Variants in ASPH observed in about 807,000 individuals in gnomAD.
The protein encoded by ASPH is aspartyl/asparaginyl beta-hydroxylase.
Under a neutral mutation model 118.4 loss-of-function variants are expected in ASPH, and 100 were observed. The ratio of observed to expected loss-of-function variants is 0.84; its 90% CI spans 0.72 to 1.00. The LOEUF (loss-of-function observed/expected upper bound fraction) is 1.00. ASPH is among the 50% of genes least tolerant of loss of function. The pLI is 0.00. For missense variants in ASPH, 920 were observed against 919.5 expected, an observed-to-expected ratio of 1.00 and a Z score of -0.01; for synonymous variants, 315 against 325.6, an observed-to-expected ratio of 0.97 and a Z score of 0.35.
intron 10 of ASPH, among the ~76,000 whole-genome samples, chr8:61,639,226 T>C (rs1422053523): frequency 6.6e-6 from 1 of 152,104 alleles, no homozygotes; most frequent in Admixed American, 6.6e-5. Context: ...GCAATACCAC[T>C]CTTTCTTAAG....
At chr8:61,697,057 A>C (rs1834064824) in intron 1 of ASPH, among the ~76,000 whole-genome samples, 1 of 152,298 alleles carries the variant, frequency 6.6e-6, no homozygotes, top group Non-Finnish European at 1.5e-5. Flanking sequence ...GGAGCAAAAG[A>C]ATCCAGCATT....
At chr8:61,592,744 T>C (rs1841506984) in intron 14 of ASPH, among the ~76,000 whole-genome samples, 1 of 152,210 alleles carries the variant, frequency 6.6e-6, no homozygotes, top group Non-Finnish European at 1.5e-5. Context: ...CAATTAACAG[T>C]TAACCCAAGA....
chr8:61,612,624 G>A (rs1032736683), intron 14 of ASPH, among the ~76,000 whole-genome samples: 19 of 151,960 alleles, frequency 1.3e-4, no homozygotes, highest in South Asian at 2.1e-4. Context: ...CACCCACCTC[G>A]GCCTCCCAAA....
At chr8:61,704,954 C>T (rs1188978518) in intron 1 of ASPH, among the ~76,000 whole-genome samples, 2 of 152,168 alleles carry the variant, frequency 1.3e-5, no homozygotes, top group Non-Finnish European at 2.9e-5. Flanking sequence ...TACCCTATAG[C>T]CCAGTAATCC....
intron 15 of ASPH, chr8:61,579,673 C>T (rs556069968): frequency 7.7e-4 from 1,067 of 1,388,922 alleles, no homozygotes; most frequent in Non-Finnish European, 1.0e-3. Flanking sequence ...CCCAAGTGAA[C>T]AGCTGTGGCA....
chr8:61,568,468 G>A (rs1832489626), intron 16 of ASPH, among the ~76,000 whole-genome samples: 1 of 152,092 alleles, frequency 6.6e-6, no homozygotes, highest in Non-Finnish European at 1.5e-5. Flanking sequence ...GGGAAGAAAG[G>A]GCAAAAGCAA....
chr8:61,683,868 C>T, intron 2 of ASPH, 171 bp downstream of exon 2: 1 of 724,506 alleles, frequency 1.4e-6, no homozygotes, highest in Non-Finnish European at 2.2e-6. Context: ...GTTCAAAAGA[C>T]AATACTCCAA....
chr8:61,585,982 G>A (rs1166062318), intron 14 of ASPH, among the ~76,000 whole-genome samples: 3 of 152,322 alleles, frequency 2.0e-5, no homozygotes, highest in Admixed American at 6.5e-5. Context: ...TAAGTGCTCA[G>A]TACCTGAGAG....
Position 61,643,423 on chromosome 8 carries a change from T to C in ASPH, c.720A>G (p.Glu240=), listed in dbSNP as rs2150979815. 1.9e-6 allele frequency: 3 copies of C among 1,604,396 alleles called. No individual in the cohort carries two copies. The highest frequency in any genetic ancestry group is 2.5e-6 in the Non-Finnish European group (3 of 1,179,526). ...GCAATCTTTCATCTTCTACTACTGG[T>C]TCACTGGAATCTAAAAAACAAAAAC... ...MSEQENPDSS[E]PVVEDERLHH... is the part of the protein sequence containing the mutation. Residue 240 remains glutamate, a synonymous_variant, in exon 9 of 25, where the codon GAA becomes GAG. Transcript: ENST00000379454.
Position 61,646,851 on chromosome 8 carries a change from T to C in ASPH, c.518A>G (p.Asp173Gly). 1 of 1,610,872 alleles carries C rather than the reference T, an allele frequency of 6.2e-7. No individual in the cohort carries two copies. The highest frequency in any genetic ancestry group is 8.5e-7 in the Non-Finnish European group (1 of 1,179,730). The change falls in exon 6 of 25, where the codon GAT becomes GGT. Residue 173 changes from aspartate to glycine, a missense_variant. Asp to Gly is a moderately conservative substitution (Grantham distance 94, BLOSUM62 -1). Transcript: ENST00000379454. ...HVEGEDLQQE[D>G]GPTGEPQQED... ...TTGTTGTGGTTCTCCTGTGGGTCCATCTTCTTGTTGCAAGTCTTCTCCCTC... is the reference window on the plus strand; with the variant it reads ...TTGTTGTGGTTCTCCTGTGGGTCCACCTTCTTGTTGCAAGTCTTCTCCCTC...
At chr8:61,563,990 C>G (rs933589975) in intron 17 of ASPH, among the ~76,000 whole-genome samples, 1 of 152,164 alleles carries the variant, frequency 6.6e-6, no homozygotes, top group Non-Finnish European at 1.5e-5. Flanking sequence ...TTGCTTTATT[C>G]TCAAGGACAT....
At chr8:61,560,402 T>A (rs1829403473) in intron 18 of ASPH, among the ~76,000 whole-genome samples, 1 of 152,208 alleles carries the variant, frequency 6.6e-6, no homozygotes, top group Admixed American at 6.5e-5. Context: ...ATGATTTTTA[T>A]AAATGTACTC....
At chr8:61,553,766 A>G (rs1288892801) in intron 19 of ASPH, among the ~76,000 whole-genome samples, 1 of 152,222 alleles carries the variant, frequency 6.6e-6, no homozygotes, top group East Asian at 1.9e-4. Flanking sequence ...CCGTCCCCAC[A>G]AAGAGAAAAG....
At position 61,711,332 on chromosome 8, in the gene ASPH, T is replaced by C. The variant is rs145343221; in HGVS notation, c.103+2937A>G. Among the ~76,000 whole-genome samples the C allele has an allele frequency of 7.9e-3, 1,196 of 152,252 alleles. 13 individuals carry two copies. The highest frequency in any genetic ancestry group is 0.028 in the African/African-American group (1,147 of 41,552). ...AAATAAGCCCAAAAGGACATCATGA[T>C]CCTTCTTTGTCAAACTATTTTCAAA... On this transcript the variant is annotated intron_variant, in intron 1 of 24. Transcript: ENST00000379454.
intron 13 of ASPH, chr8:61,632,539 T>A (rs1254429069): frequency 4.0e-6 from 1 of 249,852 alleles, no homozygotes; most frequent in Non-Finnish European, 8.1e-6. Context: ...CCTTGCCCTG[T>A]CCAAGTATTT....
At chr8:61,567,632 A>C (rs542604432) in intron 16 of ASPH, among the ~76,000 whole-genome samples, 296 of 152,322 alleles carry the variant, frequency 1.9e-3, no homozygotes, top group Non-Finnish European at 3.3e-3. Context: ...CTCCAGCCCA[A>C]GTTCCCGTTC....
intron 1 of ASPH, among the ~76,000 whole-genome samples, chr8:61,701,144 A>T (rs773916590): frequency 1.3e-5 from 2 of 152,182 alleles, no homozygotes; most frequent in African/African-American, 2.4e-5. Flanking sequence ...CGTCTGCCAC[A>T]ACTGAAAGAT....
At chr8:61,575,175 C>CA (rs1415424827) in intron 16 of ASPH, among the ~76,000 whole-genome samples, 4 of 151,948 alleles carry the variant, frequency 2.6e-5, no homozygotes, top group Non-Finnish European at 5.9e-5. Flanking sequence ...TACCTGCAGC[C>CA]AAAAAAATCT....
At chr8:61,669,341 T>C (rs1035854644) in intron 3 of ASPH, among the ~76,000 whole-genome samples, 3 of 152,188 alleles carry the variant, frequency 2.0e-5, no homozygotes, top group African/African-American at 7.2e-5. Context: ...TTTATTTTGG[T>C]TGAAATATCA....
Sources: allele counts gnomAD v4.1 joint callset (sites outside exome capture counted in the v4.1 genomes callset), GRCh38; gene constraint gnomAD v4.1.1; transcripts MANE v1.5; gene names NCBI Gene and HGNC (gene_info 2026-07-23, HGNC 2026-07-21).